PTPRE: variants seen among roughly 807,000 people sequenced by gnomAD.
PTPRE encodes the protein protein tyrosine phosphatase receptor type E.
Under a neutral mutation model 102.0 loss-of-function variants are expected in PTPRE, and 51 were observed. The observed-to-expected ratio is 0.50, with a 90% CI of 0.40 to 0.63. PTPRE has a LOEUF of 0.63. Among genes scored for constraint, PTPRE ranks in the 30% least tolerant of loss-of-function variants. The pLI is 0.00. For missense variants in PTPRE, 752 were observed against 915.1 expected, an observed-to-expected ratio of 0.82 and a Z score of 2.30; for synonymous variants, 345 against 348.2, an observed-to-expected ratio of 0.99 and a Z score of 0.10.
intron 2 of PTPRE, among the ~76,000 whole-genome samples, chr10:128,023,328 A>G (rs1479915967): frequency 4.6e-5 from 7 of 152,160 alleles, no homozygotes; most frequent in Non-Finnish European, 1.5e-5. Flanking sequence ...GTATATATAC[A>G]TAGTATGTAT....
intron 2 of PTPRE, among the ~76,000 whole-genome samples, chr10:128,019,455 G>A (rs968885935): frequency 3.9e-5 from 6 of 152,236 alleles, no homozygotes; most frequent in South Asian, 2.1e-4. Context: ...AGAACTCTGG[G>A]AAAGGAGCAG....
At chr10:127,951,067 A>G (rs539946634) in intron 1 of PTPRE, among the ~76,000 whole-genome samples, 3 of 152,148 alleles carry the variant, frequency 2.0e-5, no homozygotes, top group African/African-American at 7.2e-5. Context: ...ACAGAGGGAG[A>G]CTCCATCTCA....
At chr10:127,935,970 TCCTA>T (rs1847821106) in intron 1 of PTPRE, 1 of 152,234 alleles carries the variant, frequency 6.6e-6, no homozygotes, top group South Asian at 2.1e-4. Flanking sequence ...TCAGGTGCCT[TCCTA>T]ATGTGCAGGT....
intron 3 of PTPRE, among the ~76,000 whole-genome samples, chr10:128,044,181 A>G (rs1489001112): frequency 2.0e-5 from 3 of 152,260 alleles, no homozygotes; most frequent in African/African-American, 7.2e-5. Context: ...GTTCCTGAAC[A>G]TTGAAAATTT....
chr10:127,990,806 C>G (rs1022482936), intron 2 of PTPRE, among the ~76,000 whole-genome samples: 27 of 152,172 alleles, frequency 1.8e-4, no homozygotes, highest in Middle Eastern at 3.2e-3. Flanking sequence ...CCAAAAGAAG[C>G]AAGAACATTT....
chr10:128,074,062 C>T (rs1464515896), intron 17 of PTPRE, among the ~76,000 whole-genome samples: 4 of 152,218 alleles, frequency 2.6e-5, no homozygotes, highest in African/African-American at 7.2e-5. Context: ...AAGGAAACCT[C>T]GTACCATTAA....
intron 1 of PTPRE, among the ~76,000 whole-genome samples, chr10:127,941,876 G>A (rs1848271487): frequency 6.6e-6 from 1 of 152,090 alleles, no homozygotes; most frequent in African/African-American, 2.4e-5. Flanking sequence ...GCAGAGTAGG[G>A]GACAGGTGAG....
chr10:127,943,571 T>C (rs761080151), intron 1 of PTPRE, among the ~76,000 whole-genome samples: 4 of 152,218 alleles, frequency 2.6e-5, no homozygotes, highest in South Asian at 2.1e-4. Flanking sequence ...GCGGTGGTCA[T>C]GGGGAAGCTC....
chr10:127,913,791 G>A (rs533661661), intron 1 of PTPRE, among the ~76,000 whole-genome samples: 25 of 152,292 alleles, frequency 1.6e-4, no homozygotes, highest in African/African-American at 5.5e-4. Context: ...TTAAGAGGCT[G>A]GCCTCAGAGG....
chr10:127,935,987 C>G (rs201841006), intron 1 of PTPRE: 1 of 152,240 alleles, frequency 6.6e-6, no homozygotes, highest in African/African-American at 2.4e-5. Flanking sequence ...GTGCAGGTGA[C>G]GATTGCCTCT....
At chr10:128,023,261 T>C (rs1407348618) in intron 2 of PTPRE, among the ~76,000 whole-genome samples, 5 of 151,918 alleles carry the variant, frequency 3.3e-5, no homozygotes, top group Non-Finnish European at 7.4e-5. Flanking sequence ...ATAGTATATA[T>C]ACATTATATA....
rs1020758380 is a variant in PTPRE at position 128,020,936 on chromosome 10, C to T, written c.-7-19939C>T. 1.1e-4 allele frequency among the ~76,000 whole-genome samples: 17 copies of T among 150,150 alleles called. 1 individual carries two copies. Among genetic ancestry groups the T allele is most frequent in the Admixed American group, 1.0e-3 (15 of 15,026 alleles). ...TTCTTGAGATGGAGTCTCACTCTGT[C>T]GCCCAGGCTGGAGTGCAGTGGCGCA... On this transcript the variant is annotated intron_variant, in intron 2 of 20. Transcript: ENST00000254667.
In PTPRE at chr10:127,995,099, C is replaced by G. The variant is rs181297354; in HGVS notation, c.-8+12803C>G. ...ACCTCAGCCCAGTCCCATGGTGGTGCCTATTCCATCAGGGCAGAGAGTCAG... is the reference window on the plus strand; with the variant it reads ...ACCTCAGCCCAGTCCCATGGTGGTGGCTATTCCATCAGGGCAGAGAGTCAG... On this transcript the variant is annotated intron_variant, in intron 2 of 20. Coordinates refer to ENST00000254667, the MANE Select transcript of PTPRE (RefSeq NM_006504.6). Among the ~76,000 whole-genome samples the G allele has an allele frequency of 2.2e-4, 34 of 152,258 alleles. No homozygotes were observed. In the East Asian group the frequency reaches 4.8e-3, roughly 22 times the overall value.
At chr10:127,963,638 C>T (rs377251205) in intron 1 of PTPRE, among the ~76,000 whole-genome samples, 2 of 152,224 alleles carry the variant, frequency 1.3e-5, no homozygotes, top group Non-Finnish European at 2.9e-5. Flanking sequence ...GCACCGTAGG[C>T]GAGCCTGTTT....
rs953045503 is a variant in PTPRE, at chr10:128,085,191, A to C, written c.*2285A>C. 2 of 438,482 alleles carry C rather than the reference A, an allele frequency of 4.6e-6. No individual in the cohort carries two copies. The highest frequency in any genetic ancestry group is 9.2e-6 in the Non-Finnish European group (2 of 216,820). 27.2% of individuals were successfully genotyped at this position (438,482 alleles called of 1,614,324 possible). The stretch of plus-strand genomic sequence containing the variant: ...CTCATGGCCTCTACCAAGGCCCCAG[A>C]TCACAGGATCTCCTGGGCCTTGGAG... On this transcript the variant is annotated 3_prime_UTR_variant, in exon 21 of 21. Coordinates refer to ENST00000254667, the MANE Select transcript of PTPRE (RefSeq NM_006504.6).
chr10:127,950,830 C>T (rs1024685972), intron 1 of PTPRE, among the ~76,000 whole-genome samples: 2 of 152,058 alleles, frequency 1.3e-5, no homozygotes, highest in African/African-American at 4.8e-5. Flanking sequence ...GGCAAAGTGG[C>T]TCAAGCCTGT....
At chr10:127,986,946 G>T (rs1044829318) in intron 2 of PTPRE, among the ~76,000 whole-genome samples, 5 of 152,294 alleles carry the variant, frequency 3.3e-5, no homozygotes, top group African/African-American at 7.2e-5. Flanking sequence ...TTATACTGGG[G>T]TTTTTTATGA....
At chr10:128,082,495 G>T (rs1049091571) in intron 20 of PTPRE, among the ~76,000 whole-genome samples, 1 of 150,704 alleles carries the variant, frequency 6.6e-6, no homozygotes, top group Non-Finnish European at 1.5e-5. Flanking sequence ...TATTACAGAC[G>T]TTGAGCCATT....
Position 127,907,262 on chromosome 10 carries a change from GA to G in PTPRE, c.-77del. 1 of 984,680 alleles carries G rather than the reference GA, an allele frequency of 1.0e-6. No homozygotes were observed. Among genetic ancestry groups the G allele is most frequent in the Non-Finnish European group, 1.2e-6 (1 of 829,716 alleles). The allele number at this position is 984,680 out of a possible 1,614,324, so 61.0% of individuals were successfully genotyped here. On this transcript the variant is annotated 5_prime_UTR_variant, in exon 1 of 21. It removes the in-frame stop codon of an upstream open reading frame in the 5' UTR. Transcript: ENST00000254667. This position sits in a 1 kb window ranked among gnomAD's most constrained non-coding sequence, Gnocchi z 4.8. ...GGCGGGCAGGCGCCCGGGAGATGCG[GA>G]GCCTCCGCTGCAGCGCGATCTGCGC... is the stretch of plus-strand genomic sequence containing the variant.
Sources: gnomAD v4.1 joint callset for allele counts (sites outside exome capture counted in the v4.1 genomes callset) on GRCh38, gnomAD v4.1.1 for gene constraint, Gnocchi (gnomAD v3.1) non-coding constraint, MANE v1.5 for transcripts, NCBI Gene and HGNC (gene_info 2026-07-23, HGNC 2026-07-21) for gene names.